Variants in TMEFF2 observed in about 807,000 individuals in gnomAD.
TMEFF2 encodes the protein transmembrane protein with EGF like and two follistatin like domains 2.
A neutral mutation model predicts 53.8 loss-of-function variants in TMEFF2; 28 were observed. The observed-to-expected ratio is 0.52, with a 90% confidence interval of 0.39 to 0.71. TMEFF2 has a LOEUF of 0.71. Among genes scored for constraint, TMEFF2 ranks in the 30% least tolerant of loss-of-function variants. The pLI is 0.00. For synonymous variants in TMEFF2, 162 were observed against 166.3 expected, an observed-to-expected ratio of 0.97 and a Z score of 0.20; for missense variants, 353 against 455.2, an observed-to-expected ratio of 0.78 and a Z score of 2.04.
At chr2:192,176,766 T>C (rs1443284540) in intron 4 of TMEFF2, 8 of 151,234 alleles carry the variant, frequency 5.3e-5, no homozygotes, top group Non-Finnish European at 1.2e-4. Context: ...GGGTTAAGCT[T>C]AAATTATTTT....
chr2:192,021,271 C>T (rs1686853054), intron 5 of TMEFF2, among the ~76,000 whole-genome samples: 1 of 151,964 alleles, frequency 6.6e-6, no homozygotes, highest in Admixed American at 6.6e-5. Flanking sequence ...TGAAGCAGAA[C>T]ATCAAAGAAA....
At chr2:191,974,675 A>C (rs183619321) in intron 7 of TMEFF2, among the ~76,000 whole-genome samples, 1 of 151,628 alleles carries the variant, frequency 6.6e-6, no homozygotes, top group Admixed American at 6.6e-5. Context: ...ATGTTTCTTT[A>C]TTTTTTTTAA....
intron 4 of TMEFF2, among the ~76,000 whole-genome samples, chr2:192,102,288 C>CA (rs1689047776): frequency 6.6e-6 from 1 of 152,180 alleles, no homozygotes; most frequent in African/African-American, 2.4e-5. Flanking sequence ...GACATGCTTA[C>CA]AAGCTTATCA....
chr2:191,974,598 C>T (rs1189668849), intron 7 of TMEFF2, among the ~76,000 whole-genome samples: 2 of 152,050 alleles, frequency 1.3e-5, no homozygotes, highest in Non-Finnish European at 2.9e-5. Context: ...TTATTTACAT[C>T]TGGTCTTTTT....
chr2:192,119,418 A>G (rs1689494711), intron 4 of TMEFF2, among the ~76,000 whole-genome samples: 1 of 152,194 alleles, frequency 6.6e-6, no homozygotes, highest in South Asian at 2.1e-4. Flanking sequence ...GTAGTGCTAA[A>G]GACTTACATA....
chr2:192,037,537 T>C (rs1465831468), intron 5 of TMEFF2, among the ~76,000 whole-genome samples: 2 of 151,322 alleles, frequency 1.3e-5, no homozygotes, highest in Non-Finnish European at 2.9e-5. Context: ...GCTGCCTGAT[T>C]GGCACCATCT....
chr2:192,065,960 A>G (rs1347535301), intron 4 of TMEFF2, among the ~76,000 whole-genome samples: 1 of 151,734 alleles, frequency 6.6e-6, no homozygotes, highest in Non-Finnish European at 1.5e-5. Flanking sequence ...TTGTATTTAA[A>G]TGATGGAAGC....
intron 8 of TMEFF2, among the ~76,000 whole-genome samples, chr2:191,955,157 A>T (rs1213439462): frequency 5.9e-5 from 1 of 17,042 alleles, no homozygotes; most frequent in Admixed American, 1.2e-3. Context: ...GGGAGGGAGG[A>T]AGAGTGGGAG....
At chr2:192,093,408 G>A (rs951795334) in intron 4 of TMEFF2, among the ~76,000 whole-genome samples, 1 of 69,604 alleles carries the variant, frequency 1.4e-5, no homozygotes, top group African/African-American at 5.6e-5. Flanking sequence ...ACAAAAGAGC[G>A]TTCATTTGGG....
intron 4 of TMEFF2, among the ~76,000 whole-genome samples, chr2:192,132,027 G>C (rs971318394): frequency 3.9e-5 from 6 of 151,922 alleles, no homozygotes; most frequent in Non-Finnish European, 8.8e-5. Flanking sequence ...CCTCCCGCCT[G>C]TCCCCTCAGT....
rs189452345 is a variant in TMEFF2 at position 192,065,385 on chromosome 2, G to A, written c.440-7610C>T. 2.6e-5 allele frequency among the ~76,000 whole-genome samples: 4 copies of A among 151,862 alleles called. No homozygotes were observed. The East Asian group carries it at 5.8e-4, about 22-fold the overall frequency. ...ATACATCAAGTGTGAAATAAAGCAGGCAGTCCCTGAAACTAACAGGTTATG... is the reference window on the plus strand; with the variant it reads ...ATACATCAAGTGTGAAATAAAGCAGACAGTCCCTGAAACTAACAGGTTATG... On this transcript the variant is annotated intron_variant, in intron 4 of 9. Coordinates refer to ENST00000272771, the MANE Select transcript of TMEFF2 (RefSeq NM_016192.4).
chr2:192,059,475 A>G (rs898060228), intron 4 of TMEFF2, among the ~76,000 whole-genome samples: 3 of 152,164 alleles, frequency 2.0e-5, no homozygotes, highest in Non-Finnish European at 4.4e-5. Flanking sequence ...CTGATTATTA[A>G]TGCAACACAG....
At chr2:192,085,250 T>C (rs1688644994) in intron 4 of TMEFF2, among the ~76,000 whole-genome samples, 1 of 152,106 alleles carries the variant, frequency 6.6e-6, no homozygotes, top group Admixed American at 6.6e-5. Context: ...TTCTGGGGTA[T>C]GAATTCTGGT....
chr2:192,180,943 T>G (rs1473355113), intron 3 of TMEFF2, among the ~76,000 whole-genome samples: 2 of 151,812 alleles, frequency 1.3e-5, no homozygotes, highest in African/African-American at 4.8e-5. Context: ...AAGTAATCAA[T>G]TAACTATTAA....
intron 7 of TMEFF2, among the ~76,000 whole-genome samples, chr2:191,967,850 C>T (rs1023787360): frequency 3.9e-5 from 6 of 152,138 alleles, no homozygotes; most frequent in African/African-American, 9.7e-5. Flanking sequence ...CGCATCCACT[C>T]TTGGATGTTA....
intron 4 of TMEFF2, among the ~76,000 whole-genome samples, chr2:192,128,814 G>C (rs1559138244): frequency 6.6e-6 from 1 of 152,198 alleles, no homozygotes; most frequent in African/African-American, 2.4e-5. Context: ...AATGTTGAAA[G>C]AGAAAGCAGT....
At chr2:192,001,164 G>C (rs1299093463) in intron 5 of TMEFF2, among the ~76,000 whole-genome samples, 1 of 152,110 alleles carries the variant, frequency 6.6e-6, no homozygotes, top group Non-Finnish European at 1.5e-5. Context: ...GATTCTGACT[G>C]TTGTTGTGTT....
At chr2:191,957,091 A>C (rs947730692) in intron 7 of TMEFF2, among the ~76,000 whole-genome samples, 1 of 152,236 alleles carries the variant, frequency 6.6e-6, no homozygotes, top group Non-Finnish European at 1.5e-5. Context: ...GATAACGAAT[A>C]AACGTGGATT....
intron 4 of TMEFF2, among the ~76,000 whole-genome samples, chr2:192,103,793 A>C (rs556347425): frequency 6.6e-6 from 1 of 152,020 alleles, no homozygotes; most frequent in East Asian, 1.9e-4. Context: ...TCTTTGTTTT[A>C]TATGCAGAGA....
Sources: gnomAD v4.1 joint callset for allele counts (sites outside exome capture counted in the v4.1 genomes callset) on GRCh38, gnomAD v4.1.1 for gene constraint, MANE v1.5 for transcripts, NCBI Gene and HGNC (gene_info 2026-07-23, HGNC 2026-07-21) for gene names.